EFNA5: variants seen among roughly 807,000 people sequenced by gnomAD.
EFNA5 encodes ephrin A5, also known as ephrin-A5.
A neutral mutation model predicts 22.9 loss-of-function variants in EFNA5; 5 were observed. The observed-to-expected ratio is 0.22, with a 90% CI of 0.11 to 0.46. The LOEUF (loss-of-function observed/expected upper bound fraction) is 0.46. Among genes scored for constraint, EFNA5 ranks in the 20% least tolerant of loss-of-function variants. EFNA5 has a pLI of 0.99. For missense variants in EFNA5, 237 were observed against 293.3 expected, an observed-to-expected ratio of 0.81 and a Z score of 1.40; for synonymous variants, 113 against 112.2, an observed-to-expected ratio of 1.01 and a Z score of -0.04.
intron 1 of EFNA5, among the ~76,000 whole-genome samples, chr5:107,620,452 TGA>T (rs1483189492): frequency 6.6e-6 from 1 of 152,216 alleles, no homozygotes; most frequent in African/African-American, 2.4e-5. Context: ...AGTCTCCCAA[TGA>T]GAGAAGTACC....
chr5:107,605,160 G>GA (rs1328065486), intron 1 of EFNA5, among the ~76,000 whole-genome samples: 5 of 144,502 alleles, frequency 3.5e-5, no homozygotes, highest in African/African-American at 1.2e-4. Context: ...GATGGGGGGG[G>GA]AAGCAGAGCT....
At chr5:107,670,046 A>C (rs1035674481) in intron 1 of EFNA5, among the ~76,000 whole-genome samples, 2 of 150,808 alleles carry the variant, frequency 1.3e-5, no homozygotes, top group East Asian at 2.0e-4. Flanking sequence ...AAAAAAAAAA[A>C]AAAAAAAAAC....
chr5:107,471,024 T>C (rs1750125606), intron 1 of EFNA5, among the ~76,000 whole-genome samples: 2 of 152,326 alleles, frequency 1.3e-5, no homozygotes, highest in South Asian at 4.1e-4. Flanking sequence ...GCTCATGCAA[T>C]ACTATTGTCA....
intron 1 of EFNA5, among the ~76,000 whole-genome samples, chr5:107,475,012 A>G (rs573386440): frequency 1.3e-5 from 2 of 152,322 alleles, no homozygotes; most frequent in East Asian, 3.9e-4. Context: ...CTTCCACAAT[A>G]TGACTGTGCT....
At position 107,546,700 on chromosome 5, in the gene EFNA5, T is replaced by C. The variant is rs907586307; in HGVS notation, c.126-119191A>G. On this transcript the variant is annotated intron_variant, in intron 1 of 4. Coordinates refer to ENST00000333274, the MANE Select transcript of EFNA5 (RefSeq NM_001962.3). Reference sequence around the variant, plus strand: ...CACACACACACACTCTCACCCCTGGTGTAGGAAAGAATTTTTTTTTTAAAT... The same window carrying C: ...CACACACACACACTCTCACCCCTGGCGTAGGAAAGAATTTTTTTTTTAAAT... Among the ~76,000 whole-genome samples, 3 of 133,320 alleles carry C rather than the reference T, an allele frequency of 2.3e-5. No homozygotes were observed. In the Admixed American group the frequency reaches 2.4e-4, roughly 11 times the overall value. The allele number at this position is 133,320 out of a possible 152,430, so 87.5% of individuals were successfully genotyped here.
In EFNA5 at chr5:107,387,204, T is replaced by G. The variant is rs987079740; in HGVS notation, c.565+31A>C. 3 of 1,464,528 alleles carry G rather than the reference T, an allele frequency of 2.0e-6. No homozygotes were observed. In the South Asian group the frequency reaches 3.7e-5, roughly 18 times the overall value. 90.7% of individuals were successfully genotyped at this position (1,464,528 alleles called of 1,614,324 possible). Reference sequence around the variant, plus strand: ...GGAAGCACCAGAGAAATAGATGCATTTGTTAAAAGAGATTCTCTAAGCATA... The same window carrying G: ...GGAAGCACCAGAGAAATAGATGCATGTGTTAAAAGAGATTCTCTAAGCATA... On this transcript the variant is annotated intron_variant, in intron 4 of 4. Transcript: ENST00000333274.
chr5:107,602,139 A>T (rs1749612936), intron 1 of EFNA5, among the ~76,000 whole-genome samples: 1 of 152,208 alleles, frequency 6.6e-6, no homozygotes, highest in African/African-American at 2.4e-5. Flanking sequence ...CACGTTATTA[A>T]TGGGACTCAA....
chr5:107,613,580 T>G (rs150791318), intron 1 of EFNA5, among the ~76,000 whole-genome samples: 1 of 152,292 alleles, frequency 6.6e-6, no homozygotes, highest in African/African-American at 2.4e-5. Flanking sequence ...AATTGATTGA[T>G]AGCTTTTTAA....
intron 1 of EFNA5, among the ~76,000 whole-genome samples, chr5:107,626,987 T>C (rs910945464): frequency 6.6e-6 from 1 of 152,232 alleles, no homozygotes; most frequent in Non-Finnish European, 1.5e-5. Context: ...ATGGCTAATA[T>C]TGTAAGATTT....
intron 1 of EFNA5, among the ~76,000 whole-genome samples, chr5:107,608,698 A>T (rs1173801027): frequency 1.3e-5 from 2 of 152,160 alleles, no homozygotes; most frequent in Non-Finnish European, 2.9e-5. Flanking sequence ...AGACACACCC[A>T]CGACTTCATG....
At chr5:107,640,976 G>GTAGA (rs55898305) in intron 1 of EFNA5, among the ~76,000 whole-genome samples, 14,136 of 145,380 alleles carry the variant, frequency 0.097, 739 homozygotes, top group East Asian at 0.15. Flanking sequence ...AGGTAGGCAG[G>GTAGA]TAGATAGATA....
At chr5:107,652,929 A>G (rs1750760836) in intron 1 of EFNA5, among the ~76,000 whole-genome samples, 1 of 152,006 alleles carries the variant, frequency 6.6e-6, no homozygotes, top group Non-Finnish European at 1.5e-5. Flanking sequence ...ATATAATAAG[A>G]ACATCTCCTC....
intron 2 of EFNA5, among the ~76,000 whole-genome samples, chr5:107,414,345 C>T (rs1408449884): frequency 6.6e-6 from 1 of 152,144 alleles, no homozygotes; most frequent in African/African-American, 2.4e-5. Flanking sequence ...GTCTCTCTCT[C>T]TTTTATGGAA....
intron 4 of EFNA5, among the ~76,000 whole-genome samples, chr5:107,385,679 TAG>T (rs1220400574): frequency 6.6e-6 from 1 of 152,152 alleles, no homozygotes; most frequent in Non-Finnish European, 1.5e-5. Flanking sequence ...AGGAAGAGTG[TAG>T]AGTCTGGGGT....
At chr5:107,482,792 G>T (rs1359498099) in intron 1 of EFNA5, among the ~76,000 whole-genome samples, 3 of 131,922 alleles carry the variant, frequency 2.3e-5, no homozygotes, top group African/African-American at 6.0e-5. Flanking sequence ...TTTCTTTTTG[G>T]CTGCTCTCTC....
chr5:107,466,081 C>T (rs143317400), intron 1 of EFNA5, among the ~76,000 whole-genome samples: 249 of 152,228 alleles, frequency 1.6e-3, no homozygotes, highest in African/African-American at 5.5e-3. Flanking sequence ...AGGACCCAAC[C>T]GCAGGTGCTT....
intron 1 of EFNA5, among the ~76,000 whole-genome samples, chr5:107,477,917 C>T (rs1003860170): frequency 6.6e-6 from 1 of 152,104 alleles, no homozygotes; most frequent in Non-Finnish European, 1.5e-5. Context: ...CTTTAACAAG[C>T]TATCAATCAG....
chr5:107,481,720 C>A (rs1750467413), intron 1 of EFNA5, among the ~76,000 whole-genome samples: 1 of 151,822 alleles, frequency 6.6e-6, no homozygotes, highest in African/African-American at 2.4e-5. Flanking sequence ...TGTGGTGGCA[C>A]ACACCTGTAA....
chr5:107,637,337 G>A (rs1750393746), intron 1 of EFNA5, among the ~76,000 whole-genome samples: 1 of 152,162 alleles, frequency 6.6e-6, no homozygotes, highest in Non-Finnish European at 1.5e-5. Flanking sequence ...AGAATGACAA[G>A]AGAAGTCCTT....
Sources: allele counts gnomAD v4.1 joint callset (sites outside exome capture counted in the v4.1 genomes callset), GRCh38; gene constraint gnomAD v4.1.1; transcripts MANE v1.5; gene names NCBI Gene and HGNC (gene_info 2026-07-23, HGNC 2026-07-21).